CCM2: variants seen among roughly 807,000 people sequenced by gnomAD.
The protein encoded by CCM2 is cerebral cavernous malformations 2 protein.
A neutral mutation model predicts 44.9 loss-of-function variants in CCM2; 25 were observed. The observed-to-expected ratio is 0.56, with a 90% CI of 0.41 to 0.78. CCM2 has a LOEUF of 0.78. Ranked by LOEUF, CCM2 falls within the 30% of genes least tolerant of loss-of-function variation. The pLI is 0.00. For missense variants in CCM2, 481 were observed against 580.6 expected, an observed-to-expected ratio of 0.83 and a Z score of 1.76; for synonymous variants, 219 against 241.1, an observed-to-expected ratio of 0.91 and a Z score of 0.85.
chr7:45,057,229 C>T (rs1452478395), intron 2 of CCM2, among the ~76,000 whole-genome samples: 1 of 151,462 alleles, frequency 6.6e-6, no homozygotes, highest in Non-Finnish European at 1.5e-5. Flanking sequence ...GTGGTATGAT[C>T]TCGACTCACT....
At chr7:45,016,864 C>T (rs1250360179) in intron 1 of CCM2, among the ~76,000 whole-genome samples, 1 of 152,214 alleles carries the variant, frequency 6.6e-6, no homozygotes, top group African/African-American at 2.4e-5. Context: ...AACTCCTGGC[C>T]TCAAGTGATC....
chr7:45,046,753 T>C (rs1380603960), intron 2 of CCM2, among the ~76,000 whole-genome samples: 2 of 152,192 alleles, frequency 1.3e-5, no homozygotes, highest in African/African-American at 4.8e-5. Flanking sequence ...CATCAAAATT[T>C]AAAACTCTTG....
intron 1 of CCM2, among the ~76,000 whole-genome samples, chr7:45,037,742 T>C (rs557521269): frequency 2.6e-5 from 4 of 152,106 alleles, no homozygotes; most frequent in South Asian, 2.1e-4. Context: ...TTGATCTGCA[T>C]TGGAGCTCAA....
rs116019036 is a variant in CCM2, at chr7:45,075,638, A to G, written c.1055-139A>G. The G allele has an allele frequency of 2.0e-3, 1,996 of 1,007,678 alleles. 37 individuals carry two copies. In the African/African-American group the frequency reaches 0.028, roughly 14 times the overall value. 62.4% of individuals were successfully genotyped at this position (1,007,678 alleles called of 1,614,324 possible). On this transcript the variant is annotated intron_variant, in intron 9 of 9. Coordinates refer to ENST00000258781, the MANE Select transcript of CCM2 (RefSeq NM_031443.4). ...TGATTTCAACCAGGATGCTAGATGC[A>G]GTGAGCATGGCATCAGGGTCCCCAA...
chr7:45,063,772 G>A (rs540478878), intron 2 of CCM2, 146 bp from the exon 3 acceptor site: 1 of 690,752 alleles, frequency 1.4e-6, no homozygotes, highest in Non-Finnish European at 2.7e-6. Context: ...TCTTCCTAGA[G>A]TTGGGCCTCC....
chr7:45,068,982 C>T (rs1046404001), intron 5 of CCM2, among the ~76,000 whole-genome samples: 3 of 152,216 alleles, frequency 2.0e-5, no homozygotes, highest in East Asian at 1.9e-4. Flanking sequence ...GGGCGGGCAG[C>T]GGCGGTCACC....
chr7:45,007,510 C>T (rs922310776), intron 1 of CCM2, among the ~76,000 whole-genome samples: 1 of 152,070 alleles, frequency 6.6e-6, no homozygotes, highest in Non-Finnish European at 1.5e-5. Context: ...AAAATAAGAA[C>T]TTTTTTCCTT....
chr7:45,021,022 G>A (rs989087757), intron 1 of CCM2, among the ~76,000 whole-genome samples: 17 of 152,286 alleles, frequency 1.1e-4, no homozygotes, highest in African/African-American at 3.8e-4. Flanking sequence ...CTCACTGTCT[G>A]AGGGTGGTCT....
At chr7:45,015,446 C>A (rs752081220) in intron 1 of CCM2, among the ~76,000 whole-genome samples, 2 of 152,190 alleles carry the variant, frequency 1.3e-5, no homozygotes, top group Non-Finnish European at 2.9e-5. Flanking sequence ...GAAATATTCC[C>A]TTCCCCTTCC....
Position 45,000,238 on chromosome 7 carries a change from C to G in CCM2, c.-96C>G. 6.9e-6 allele frequency: 5 copies of G among 726,808 alleles called. No individual in the cohort carries two copies. Among genetic ancestry groups the G allele is most frequent in the Non-Finnish European group, 8.2e-6 (5 of 611,526 alleles). 45.0% of individuals were successfully genotyped at this position (726,808 alleles called of 1,614,324 possible). ...CCCGGCTGGCGGGCGGCGCCGGGAG[C>G]GCGGGGGCGGCGGGCCCGGGTCGAG... On this transcript the variant is annotated 5_prime_UTR_variant, in exon 1 of 10. Transcript: ENST00000258781.
At chr7:45,055,520 C>T (rs1715052401) in intron 2 of CCM2, among the ~76,000 whole-genome samples, 1 of 152,084 alleles carries the variant, frequency 6.6e-6, no homozygotes, top group South Asian at 2.1e-4. Context: ...AACCCCGTCT[C>T]TACTAAAAAT....
intron 1 of CCM2, chr7:45,029,506 G>A (rs1251070114): frequency 6.6e-6 from 1 of 152,222 alleles, no homozygotes; most frequent in Non-Finnish European, 1.5e-5. Flanking sequence ...AATGCAGCTA[G>A]AAGGTATAGC....
chr7:45,057,105 C>T (rs901413477), intron 2 of CCM2, among the ~76,000 whole-genome samples: 3 of 152,214 alleles, frequency 2.0e-5, no homozygotes, highest in East Asian at 1.9e-4. Flanking sequence ...TCATGGCACC[C>T]TTGTTGAAAA....
chr7:45,028,306 A>G (rs778702463), intron 1 of CCM2, among the ~76,000 whole-genome samples: 3 of 152,178 alleles, frequency 2.0e-5, no homozygotes, highest in Non-Finnish European at 2.9e-5. Context: ...TAAGGTGCCT[A>G]TGCCTTTCTC....
At chr7:45,036,942 C>T (rs1797247228) in intron 1 of CCM2, among the ~76,000 whole-genome samples, 1 of 152,158 alleles carries the variant, frequency 6.6e-6, no homozygotes, top group African/African-American at 2.4e-5. Flanking sequence ...TTGTCATCTC[C>T]TCCTGCGTTT....
intron 2 of CCM2, among the ~76,000 whole-genome samples, chr7:45,045,783 T>G (rs752341115): frequency 2.1e-4 from 32 of 152,102 alleles, no homozygotes; most frequent in Admixed American, 3.3e-4. Flanking sequence ...AGAGTGAGAC[T>G]TTGCCTCAAA....
chr7:45,050,590 A>G (rs1797956258), intron 2 of CCM2, among the ~76,000 whole-genome samples: 2 of 152,164 alleles, frequency 1.3e-5, no homozygotes, highest in East Asian at 1.9e-4. Flanking sequence ...ATGTTTTCTC[A>G]TTATAGTTTG....
chr7:45,056,587 A>C (rs1798275139), intron 2 of CCM2, among the ~76,000 whole-genome samples: 1 of 152,212 alleles, frequency 6.6e-6, no homozygotes, highest in African/African-American at 2.4e-5. Context: ...TTGATGTTGA[A>C]AATCTTTTCT....
chr7:45,024,372 A>G (rs999404562), intron 1 of CCM2, among the ~76,000 whole-genome samples: 1 of 152,240 alleles, frequency 6.6e-6, no homozygotes, highest in African/African-American at 2.4e-5. Context: ...ACATGTTTTT[A>G]TCGTCAAGAA....
Sources: allele counts gnomAD v4.1 joint callset (sites outside exome capture counted in the v4.1 genomes callset), GRCh38; gene constraint gnomAD v4.1.1; transcripts MANE v1.5; gene names NCBI Gene and HGNC (gene_info 2026-07-23, HGNC 2026-07-21).